The following LUZP4 variants were observed in gnomAD, a reference collection of about 807,000 sequenced individuals.
The protein encoded by LUZP4 is HOM-TES-85 tumor antigen.
A neutral mutation model predicts 8.5 loss-of-function variants in LUZP4; 11 were observed. The ratio of observed to expected loss-of-function variants is 1.30; its 90% CI spans 0.82 to 2.14. LUZP4 has a LOEUF of 2.14. LUZP4 is among the 30% of genes most tolerant of loss of function. LUZP4 has a pLI of 0.00. For missense variants in LUZP4, 276 were observed against 229.7 expected, an observed-to-expected ratio of 1.20 and a Z score of -1.30; for synonymous variants, 104 against 79.4, an observed-to-expected ratio of 1.31 and a Z score of -1.65.
chrX:115,295,178 C>T (rs782235287), intron 1 of LUZP4, among the ~76,000 whole-genome samples: 2 of 111,818 alleles, frequency 1.8e-5, no homozygotes, highest in Non-Finnish European at 3.8e-5. Flanking sequence ...CAGGCTCAAG[C>T]GATCCTCCCA....
intron 1 of LUZP4, among the ~76,000 whole-genome samples, chrX:115,296,614 A>G (rs782351947): frequency 1.8e-5 from 2 of 111,775 alleles, no homozygotes; most frequent in South Asian, 3.8e-4. Flanking sequence ...ACCCAGGTTC[A>G]TAGGCATTTG....
chrX:115,301,973 T>G lies in LUZP4; in HGVS notation c.92-19T>G. 9.3e-7 allele frequency: 1 copy of G among 1,074,096 alleles called. No homozygotes were observed. The highest frequency in any genetic ancestry group is 1.2e-6 in the Non-Finnish European group (1 of 807,322). 88.5% of individuals were successfully genotyped at this position (1,074,096 alleles called of 1,213,427 possible). Reference sequence around the variant, plus strand: ...GGCTTTTGCCATTTTATTCATTTTTTATGTATTTTCTAATACAGACGACAT... The same window carrying G: ...GGCTTTTGCCATTTTATTCATTTTTGATGTATTTTCTAATACAGACGACAT... On this transcript the variant is annotated intron_variant, in intron 1 of 3. Coordinates refer to ENST00000371920, the MANE Select transcript of LUZP4 (RefSeq NM_016383.5).
chrX:115,301,912 A>C, intron 1 of LUZP4, 80 bp from the exon 2 acceptor site: 1 of 562,033 alleles, frequency 1.8e-6, no homozygotes, highest in Non-Finnish European at 2.6e-6. Flanking sequence ...AAATATGATG[A>C]GATAAGATAT....
chrX:115,295,485 C>T (rs1373568801), intron 1 of LUZP4, among the ~76,000 whole-genome samples: 6 of 111,373 alleles, frequency 5.4e-5, no homozygotes, highest in African/African-American at 1.6e-4. Flanking sequence ...TAAATTTCCC[C>T]ATGTTTTTCT....
At chrX:115,306,100 T>C in intron 3 of LUZP4, 105 bp from the exon 4 acceptor site, 1 of 854,812 alleles carries the variant, frequency 1.2e-6, no homozygotes, top group Non-Finnish European at 1.6e-6. Context: ...AGTGGAATTC[T>C]AAAAGAAATA....
At chrX:115,298,953 TC>T (rs2073383099) in intron 1 of LUZP4, among the ~76,000 whole-genome samples, 2 of 111,263 alleles carry the variant, frequency 1.8e-5, no homozygotes, top group Admixed American at 9.6e-5. Flanking sequence ...GGGAAGGCTT[TC>T]CAGATATTTG....
chrX:115,295,153 G>A (rs1318468773), intron 1 of LUZP4, among the ~76,000 whole-genome samples: 1 of 111,633 alleles, frequency 9.0e-6, no homozygotes, highest in Non-Finnish European at 1.9e-5. Context: ...ACAGCTCACT[G>A]CAGCCTGGAC....
chrX:115,295,760 G>A lies in LUZP4; in HGVS notation c.91+5910G>A, dbSNP rs782192875. 1.3e-4 allele frequency among the ~76,000 whole-genome samples: 14 copies of A among 110,061 alleles called. No individual in the cohort carries two copies. The South Asian group carries it at 5.7e-3, about 44-fold the overall frequency. On this transcript the variant is annotated intron_variant, in intron 1 of 3. Coordinates refer to ENST00000371920, the MANE Select transcript of LUZP4 (RefSeq NM_016383.5). ...AACTGGTAACAGCAAGAACTTAATA[G>A]GAACTCCACTCCCCTGTTAATTACT...
intron 1 of LUZP4, among the ~76,000 whole-genome samples, chrX:115,300,400 A>T (rs1556601008): frequency 1.8e-5 from 2 of 112,567 alleles, no homozygotes; most frequent in African/African-American, 6.5e-5. Flanking sequence ...GCTAAAAAAA[A>T]TTGCAGAAAA....
chrX:115,302,848 C>A (rs2073403918), intron 2 of LUZP4, among the ~76,000 whole-genome samples: 2 of 112,390 alleles, frequency 1.8e-5, no homozygotes, highest in South Asian at 7.4e-4. Context: ...TGTGCCTAAC[C>A]AGTCATCACA....
At chrX:115,304,221 G>A (rs1466306134) in intron 3 of LUZP4, among the ~76,000 whole-genome samples, 1 of 112,081 alleles carries the variant, frequency 8.9e-6, no homozygotes, top group East Asian at 2.8e-4. Flanking sequence ...TAGTCTGTGT[G>A]GTGGTGGAAG....
At position 115,303,327 on chromosome X, in the gene LUZP4, A is replaced by G; in HGVS notation, c.251A>G (p.Glu84Gly). 1 of 1,194,367 alleles carries G rather than the reference A, an allele frequency of 8.4e-7. No individual in the cohort carries two copies. Among genetic ancestry groups the G allele is most frequent in the Non-Finnish European group, 1.1e-6 (1 of 884,763 alleles). The change falls in exon 3 of 4, where the codon GAG (glutamate) becomes GGG (glycine). Residue 84 changes from glutamate (E) to glycine (G), a missense_variant. Coordinates refer to ENST00000371920, the MANE Select transcript of LUZP4 (RefSeq NM_016383.5). ...TACTCAAGATGCAGAAGCAACTCTG[A>G]GGAAGGAAATCATGATAAAAAACCA... The part of the protein sequence containing the change: ...RGYSRCRSNS[E>G]EGNHDKKPSQ...
intron 1 of LUZP4, among the ~76,000 whole-genome samples, chrX:115,299,058 C>T (rs980070905): frequency 9.0e-6 from 1 of 111,460 alleles, no homozygotes; most frequent in East Asian, 2.8e-4. Context: ...ATAGAGGTAC[C>T]GCCTTGATGG....
chrX:115,306,753 A>G lies in LUZP4; in HGVS notation c.891A>G (p.Gln297=), dbSNP rs1556604532. 2 of 1,207,752 alleles carry G rather than the reference A, an allele frequency of 1.7e-6. No homozygotes were observed. Among genetic ancestry groups the G allele is most frequent in the African/African-American group, 1.7e-5 (1 of 57,180 alleles). The change falls in exon 4 of 4, where the codon CAA becomes CAG. Residue 297 remains glutamine (Q), a synonymous_variant. Transcript: ENST00000371920. ...ATCAGTCAGGGAGATCTCATGGCCAATCAGAAAGACATCAGAGATACTCAA... is the reference window on the plus strand; with the variant it reads ...ATCAGTCAGGGAGATCTCATGGCCAGTCAGAAAGACATCAGAGATACTCAA... The part of the protein sequence containing the change: ...LINQSGRSHG[Q]SERHQRYSTG...
rs1556602409 is a variant in LUZP4 at position 115,303,369 on chromosome X, G to C, written c.293G>C (p.Gly98Ala). The change falls in exon 3 of 4, where the codon GGA becomes GCA. Residue 98 changes from glycine to alanine, a missense_variant. Physicochemically the swap from Gly to Ala is moderately conservative, Grantham distance 60 (BLOSUM62 0). Coordinates refer to ENST00000371920, the MANE Select transcript of LUZP4 (RefSeq NM_016383.5). ...AAAAAACCATCCCAAAAACCTTCTG[G>C]ATTCAAGTCTGGACAACACCCTTTA... is the stretch of plus-strand genomic sequence containing the variant. ...HDKKPSQKPS[G>A]FKSGQHPLNG... 9.2e-6 allele frequency: 11 copies of C among 1,198,869 alleles called. No homozygotes were observed. The highest frequency in any genetic ancestry group is 1.1e-5 in the Non-Finnish European group (10 of 888,941).
At chrX:115,305,301 A>G (rs1370641312) in intron 3 of LUZP4, among the ~76,000 whole-genome samples, 1 of 112,289 alleles carries the variant, frequency 8.9e-6, no homozygotes, top group Admixed American at 9.5e-5. Context: ...GAGAGTGGCT[A>G]TAGCTTTATG....
intron 1 of LUZP4, among the ~76,000 whole-genome samples, chrX:115,291,547 G>A: frequency 9.0e-6 from 1 of 111,181 alleles, no homozygotes; most frequent in Non-Finnish European, 1.9e-5. Flanking sequence ...GTTCACCTTA[G>A]AGATGAGGGT....
In LUZP4 at chrX:115,306,326, A is replaced by C. The variant is rs188840946; in HGVS notation, c.464A>C (p.Glu155Ala). The C allele has an allele frequency of 8.3e-7, 1 of 1,209,507 alleles. No individual in the cohort carries two copies. Among genetic ancestry groups the C allele is most frequent in the Non-Finnish European group, 1.1e-6 (1 of 895,200 alleles). Reference sequence around the variant, plus strand: ...GAAGAATCCCAGGGCCAACCAGAAGAAAATCATCATTCTGAGCGATCCCGA... The same window carrying C: ...GAAGAATCCCAGGGCCAACCAGAAGCAAATCATCATTCTGAGCGATCCCGA... ...KSEESQGQPE[E>A]NHHSERSRNH... is the part of the protein sequence containing the mutation. The change falls in exon 4 of 4, where the codon GAA (glutamate) becomes GCA (alanine). Residue 155 changes from glutamate to alanine, a missense_variant. Coordinates refer to ENST00000371920, the MANE Select transcript of LUZP4 (RefSeq NM_016383.5).
At chrX:115,290,541 C>T (rs1284085399) in intron 1 of LUZP4, among the ~76,000 whole-genome samples, 1 of 111,568 alleles carries the variant, frequency 9.0e-6, no homozygotes, top group Admixed American at 9.6e-5. Flanking sequence ...CCCTAACCTC[C>T]TCCATTCGCA....
Sources: allele counts gnomAD v4.1 joint callset (sites outside exome capture counted in the v4.1 genomes callset), GRCh38; gene constraint gnomAD v4.1.1; transcripts MANE v1.5; gene names NCBI Gene and HGNC (gene_info 2026-07-23, HGNC 2026-07-21).